The following LPAR1 variants were observed in gnomAD, a reference collection of about 807,000 sequenced individuals.
LPAR1 encodes the protein LPA receptor 1.
LPAR1 carries 5 observed loss-of-function variants against 23.8 expected under a neutral mutation model. The observed-to-expected ratio is 0.21, with a 90% CI of 0.11 to 0.44. The LOEUF is 0.44. Among genes scored for constraint, LPAR1 ranks in the 20% least tolerant of loss-of-function variants. The pLI is 0.99. For missense variants in LPAR1, 311 were observed against 482.8 expected, an observed-to-expected ratio of 0.64 and a Z score of 3.33; for synonymous variants, 160 against 164.7, an observed-to-expected ratio of 0.97 and a Z score of 0.22.
chr9:111,029,212 T>A (rs910576506), intron 2 of LPAR1, among the ~76,000 whole-genome samples: 2 of 152,196 alleles, frequency 1.3e-5, no homozygotes, highest in Admixed American at 6.5e-5. Flanking sequence ...CATTTAGCAA[T>A]TATGCCTGAA....
At chr9:110,880,434 C>T (rs1375131160) in intron 5 of LPAR1, among the ~76,000 whole-genome samples, 1 of 152,170 alleles carries the variant, frequency 6.6e-6, no homozygotes, top group Non-Finnish European at 1.5e-5. Flanking sequence ...TCTAGAATGA[C>T]TTTTTCCTAA....
intron 2 of LPAR1, among the ~76,000 whole-genome samples, chr9:111,027,402 G>A (rs1253076791): frequency 6.6e-6 from 1 of 152,164 alleles, no homozygotes; most frequent in East Asian, 1.9e-4. Context: ...TCAGGAAGCT[G>A]AAGCAAGAGG....
intron 2 of LPAR1, among the ~76,000 whole-genome samples, chr9:110,974,474 T>G (rs2096506283): frequency 6.6e-6 from 1 of 152,200 alleles, no homozygotes; most frequent in Non-Finnish European, 1.5e-5. Flanking sequence ...TAATCTAGGT[T>G]TGACAGCAAC....
chr9:110,972,981 G>C (rs900528940), intron 3 of LPAR1, among the ~76,000 whole-genome samples: 1 of 151,790 alleles, frequency 6.6e-6, no homozygotes, highest in Non-Finnish European at 1.5e-5. Context: ...AAGAAACTGT[G>C]AATAGTACCC....
chr9:110,991,630 G>A (rs975861752), intron 2 of LPAR1, among the ~76,000 whole-genome samples: 2 of 151,062 alleles, frequency 1.3e-5, no homozygotes, highest in Non-Finnish European at 3.0e-5. Flanking sequence ...TGTTTTTTGG[G>A]ACAGTTTCAC....
In LPAR1 at chr9:110,979,592, AAGGTCCTATAAAAT is replaced by A. The variant is rs1004119434; in HGVS notation, c.-181-6048_-181-6035del. Among the ~76,000 whole-genome samples the A allele has an allele frequency of 7.9e-5, 12 of 152,130 alleles. No homozygotes were observed. In the South Asian group the frequency reaches 8.3e-4, roughly 10 times the overall value. On this transcript the variant is annotated intron_variant, in intron 2 of 5. Transcript: ENST00000683809. ...TTTTTTTAACTGTAAGGATATTAAA[AAGGTCCTATAAAAT>A]ATCAAAAAGCAGGTAGGGAAGCTCA...
In LPAR1 at chr9:110,897,319, T is replaced by G. The variant is rs189743213; in HGVS notation, c.794-21597A>C. Among the ~76,000 whole-genome samples the G allele has an allele frequency of 3.3e-5, 5 of 152,298 alleles. No individual in the cohort carries two copies. In the East Asian group the frequency reaches 9.7e-4, roughly 29 times the overall value. The stretch of plus-strand genomic sequence containing the variant: ...AACAGGAGTTTCTCTGCACAAGCTC[T>G]CTCTTTGCCTGCCGCCATCCATGTA... On this transcript the variant is annotated intron_variant, in intron 5 of 5. Transcript: ENST00000683809.
At chr9:110,990,725 G>A (rs1254743251) in intron 2 of LPAR1, among the ~76,000 whole-genome samples, 3 of 151,788 alleles carry the variant, frequency 2.0e-5, no homozygotes, top group Non-Finnish European at 4.4e-5. Flanking sequence ...ATCAAAGTAA[G>A]CAGGAAAAAA....
intron 4 of LPAR1, among the ~76,000 whole-genome samples, chr9:110,971,174 G>T (rs937227108): frequency 1.3e-5 from 2 of 152,048 alleles, no homozygotes; most frequent in African/African-American, 4.8e-5. Flanking sequence ...GCCAAAAAAT[G>T]ATTGTCACAA....
Position 110,895,654 on chromosome 9 carries a change from A to G in LPAR1, c.794-19932T>C, listed in dbSNP as rs181847661. Among the ~76,000 whole-genome samples, 140 of 152,304 alleles carry G rather than the reference A, an allele frequency of 9.2e-4. 1 individual carries two copies. Among genetic ancestry groups the G allele is most frequent in the African/African-American group, 3.2e-3 (135 of 41,572 alleles). On this transcript the variant is annotated intron_variant, in intron 5 of 5. Coordinates refer to ENST00000683809, the MANE Select transcript of LPAR1 (RefSeq NM_001351411.2). ...CAGGAGGGTCTGTTGGAGACTTATC[A>G]GACAACAGCACTGACTGGGGGGTGT... is the stretch of plus-strand genomic sequence containing the variant.
At position 110,902,977 on chromosome 9, in the gene LPAR1, T is replaced by C. The variant is rs142605379; in HGVS notation, c.794-27255A>G. Among the ~76,000 whole-genome samples the C allele has an allele frequency of 2.6e-4, 39 of 152,282 alleles. No homozygotes were observed. In the East Asian group the frequency reaches 4.8e-3, roughly 19 times the overall value. Reference sequence around the variant, plus strand: ...CACCACAAAGTCTCTGAAAATGCAATTGTCATTGGATGCACGGCCCACAAA... The same window carrying C: ...CACCACAAAGTCTCTGAAAATGCAACTGTCATTGGATGCACGGCCCACAAA... On this transcript the variant is annotated intron_variant, in intron 5 of 5. Coordinates refer to ENST00000683809, the MANE Select transcript of LPAR1 (RefSeq NM_001351411.2).
At chr9:110,998,793 AT>A (rs2097071834) in intron 2 of LPAR1, among the ~76,000 whole-genome samples, 1 of 152,194 alleles carries the variant, frequency 6.6e-6, no homozygotes, top group Admixed American at 6.6e-5. Context: ...GGATTCTTAA[AT>A]TCATTTTCTG....
chr9:110,963,378 A>C (rs2096072739), intron 4 of LPAR1, among the ~76,000 whole-genome samples: 1 of 152,238 alleles, frequency 6.6e-6, no homozygotes, highest in Non-Finnish European at 1.5e-5. Context: ...AGATGAAGTC[A>C]GAAGTCTCAA....
At chr9:111,022,440 A>C (rs2097576676) in intron 2 of LPAR1, among the ~76,000 whole-genome samples, 1 of 152,120 alleles carries the variant, frequency 6.6e-6, no homozygotes, top group South Asian at 2.1e-4. Context: ...TCTTTCTTTT[A>C]AACTCTTCAG....
At chr9:110,887,680 T>G (rs2082783701) in intron 5 of LPAR1, among the ~76,000 whole-genome samples, 2 of 152,176 alleles carry the variant, frequency 1.3e-5, no homozygotes. Context: ...ATAAACATAC[T>G]TTTTTCTACA....
At chr9:110,951,934 A>G (rs947266755) in intron 4 of LPAR1, among the ~76,000 whole-genome samples, 2 of 152,254 alleles carry the variant, frequency 1.3e-5, no homozygotes, top group Non-Finnish European at 2.9e-5. Flanking sequence ...ATAGCTTTAA[A>G]TATGCTAATG....
chr9:110,901,796 C>T (rs1467247537), intron 5 of LPAR1, among the ~76,000 whole-genome samples: 1 of 152,054 alleles, frequency 6.6e-6, no homozygotes, highest in Non-Finnish European at 1.5e-5. Flanking sequence ...GTTTTGTTTA[C>T]AGGGAACTAT....
chr9:110,909,584 C>T (rs987946640), intron 5 of LPAR1, among the ~76,000 whole-genome samples: 6 of 152,164 alleles, frequency 3.9e-5, no homozygotes, highest in Non-Finnish European at 8.8e-5. Flanking sequence ...AGGATAGTGG[C>T]ACCTCTTCTC....
chr9:111,010,871 AAAG>A (rs1237760790), intron 2 of LPAR1, among the ~76,000 whole-genome samples: 2 of 152,206 alleles, frequency 1.3e-5, no homozygotes, highest in African/African-American at 2.4e-5. Flanking sequence ...GCATATCCCT[AAAG>A]AAGAATACCA....
Sources: allele counts gnomAD v4.1 joint callset (sites outside exome capture counted in the v4.1 genomes callset), GRCh38; gene constraint gnomAD v4.1.1; transcripts MANE v1.5; gene names NCBI Gene and HGNC (gene_info 2026-07-23, HGNC 2026-07-21).